Variants in ZFP1 observed in about 807,000 individuals in gnomAD.
ZFP1 encodes ZFP1 zinc finger protein, also known as zinc finger protein 1 homolog.
ZFP1 carries 32 observed loss-of-function variants against 38.5 expected under a neutral mutation model. The ratio of observed to expected loss-of-function variants is 0.83; its 90% CI spans 0.63 to 1.12. ZFP1 has a LOEUF of 1.12. Among genes scored for constraint, ZFP1 ranks in the 50% most tolerant of loss-of-function variants. ZFP1 has a pLI of 0.00. For synonymous variants in ZFP1, 245 were observed against 168.8 expected, an observed-to-expected ratio of 1.45 and a Z score of -3.50; for missense variants, 616 against 480.8, an observed-to-expected ratio of 1.28 and a Z score of -2.63.
chr16:75,143,918 T>G (rs2036915186), upstream of ZFP1, among the ~76,000 whole-genome samples: 3 of 152,086 alleles, frequency 2.0e-5, no homozygotes, highest in African/African-American at 7.2e-5. Context: ...CCTCCCAAAG[T>G]GCTGGGATTA....
At chr16:75,122,478 G>C in the ZFP1 span, among the ~76,000 whole-genome samples, 2 of 152,186 alleles carry the variant, frequency 1.3e-5, no homozygotes, top group Non-Finnish European at 2.9e-5. Flanking sequence ...ACTGAAACTA[G>C]AAGCTAGGGG....
At chr16:75,121,475 GGCACCATCAGACTTTTTCTCTCT>G in the ZFP1 span, among the ~76,000 whole-genome samples, 2 of 151,990 alleles carry the variant, frequency 1.3e-5, no homozygotes, top group East Asian at 3.8e-4. Flanking sequence ...ATCTCCCTCT[GGCACCATCAGACTTTTTCTCTCT>G]GTACCTTATG....
rs970289470 is a variant in ZFP1, at chr16:75,170,830, T to C, written c.*496T>C. On this transcript the variant is annotated 3_prime_UTR_variant, in exon 4 of 4. Transcript: ENST00000570010. ...TTTTCAGTATCTCTGCAATCCAGTA[T>C]GCATTCCAAATGAAATGTGTAACAT... 1 of 153,086 alleles carries C rather than the reference T, an allele frequency of 6.5e-6. No homozygotes were observed. Among genetic ancestry groups the C allele is most frequent in the East Asian group, 1.9e-4 (1 of 5,212 alleles). 9.5% of individuals were successfully genotyped at this position (153,086 alleles called of 1,614,324 possible). A position where few individuals can be genotyped will look rare whatever the true frequency, so the allele number is the denominator to read the frequency against.
At chr16:75,169,104 A>G in intron 3 of ZFP1, 149 bp from the exon 4 acceptor site, 2 of 1,101,234 alleles carry the variant, frequency 1.8e-6, no homozygotes, top group Non-Finnish European at 2.4e-6. Flanking sequence ...GAAAGGAAAC[A>G]TTTGCACTGG....
chr16:75,129,290 T>G, the ZFP1 span, among the ~76,000 whole-genome samples: 3 of 152,204 alleles, frequency 2.0e-5, no homozygotes, highest in African/African-American at 7.2e-5. Context: ...TAAACCATCC[T>G]AGCCATGAGA....
At chr16:75,140,862 G>C in the ZFP1 span, among the ~76,000 whole-genome samples, 1 of 152,086 alleles carries the variant, frequency 6.6e-6, no homozygotes, top group African/African-American at 2.4e-5. Flanking sequence ...GGAAGGCTGA[G>C]GCAGGAGAAA....
the ZFP1 span, among the ~76,000 whole-genome samples, chr16:75,131,574 C>A: frequency 3.3e-5 from 5 of 152,150 alleles, no homozygotes; most frequent in African/African-American, 1.2e-4. Flanking sequence ...TGGGTACACA[C>A]TCCCCTCTCA....
the ZFP1 span, among the ~76,000 whole-genome samples, chr16:75,135,343 C>G: frequency 6.7e-6 from 1 of 148,648 alleles, no homozygotes; most frequent in African/African-American, 2.5e-5. Flanking sequence ...AACCTTAACA[C>G]AAAATAACAC....
At chr16:75,146,263 C>T (rs1413529705), upstream of ZFP1, among the ~76,000 whole-genome samples, 1 of 151,796 alleles carries the variant, frequency 6.6e-6, no homozygotes, top group African/African-American at 2.4e-5. Flanking sequence ...CCCAGGTTCA[C>T]GCCATTCTCC....
chr16:75,136,491 C>T, the ZFP1 span, among the ~76,000 whole-genome samples: 2 of 152,142 alleles, frequency 1.3e-5, no homozygotes, highest in Non-Finnish European at 2.9e-5. Context: ...CAGAATGATC[C>T]ATATGATAAT....
chr16:75,123,368 A>G, the ZFP1 span, among the ~76,000 whole-genome samples: 399 of 144,268 alleles, frequency 2.8e-3, 4 homozygotes, highest in African/African-American at 9.8e-3. Context: ...ATATATGTGT[A>G]TATATATATA....
intron 2 of ZFP1, among the ~76,000 whole-genome samples, chr16:75,156,908 C>T (rs1356634289): frequency 6.6e-6 from 1 of 152,204 alleles, no homozygotes; most frequent in East Asian, 1.9e-4. Context: ...GCCAGGCTCA[C>T]CCAGGCATTC....
intron 1 of ZFP1, among the ~76,000 whole-genome samples, chr16:75,152,514 C>T (rs946643720): frequency 6.6e-6 from 1 of 152,150 alleles, no homozygotes; most frequent in Admixed American, 6.6e-5. Flanking sequence ...TTAGCATTTC[C>T]ATTTGATTTT....
At chr16:75,164,401 T>G (rs1387682025) in intron 2 of ZFP1, among the ~76,000 whole-genome samples, 3 of 152,250 alleles carry the variant, frequency 2.0e-5, no homozygotes, top group African/African-American at 7.2e-5. Context: ...ACATGGTACT[T>G]TCTTCCTGCC....
At chr16:75,164,216 T>G (rs72802316) in intron 2 of ZFP1, among the ~76,000 whole-genome samples, 2 of 152,226 alleles carry the variant, frequency 1.3e-5, no homozygotes, top group Non-Finnish European at 2.9e-5. Context: ...AAAAATTATA[T>G]GTAGGTTTTT....
the ZFP1 span, among the ~76,000 whole-genome samples, chr16:75,128,300 G>T: frequency 6.6e-6 from 1 of 152,148 alleles, no homozygotes; most frequent in Admixed American, 6.6e-5. Flanking sequence ...TCATGGCTGG[G>T]CTCGGCTTTA....
At chr16:75,166,392 C>G (rs900299563) in intron 2 of ZFP1, among the ~76,000 whole-genome samples, 7 of 152,118 alleles carry the variant, frequency 4.6e-5, no homozygotes, top group Admixed American at 4.6e-4. Flanking sequence ...TGCCACCATG[C>G]CCGACTAAAT....
the ZFP1 span, among the ~76,000 whole-genome samples, chr16:75,138,173 A>G: frequency 1.3e-5 from 2 of 151,526 alleles, no homozygotes; most frequent in Non-Finnish European, 1.5e-5. Flanking sequence ...AGTAGCTGGG[A>G]CTACAGGCGT....
At chr16:75,148,891 T>A (rs984776306) in intron 1 of ZFP1, 2 of 152,094 alleles carry the variant, frequency 1.3e-5, no homozygotes, top group Non-Finnish European at 2.9e-5. Context: ...CGCCTTCTTC[T>A]CTTTGTCAGG....
Sources: allele counts gnomAD v4.1 joint callset (sites outside exome capture counted in the v4.1 genomes callset), GRCh38; gene constraint gnomAD v4.1.1; transcripts MANE v1.5; gene names NCBI Gene and HGNC (gene_info 2026-07-23, HGNC 2026-07-21).